TRPC4: variants seen among roughly 807,000 people sequenced by gnomAD.
The protein encoded by TRPC4 is short transient receptor potential channel 4.
A neutral mutation model predicts 99.4 loss-of-function variants in TRPC4; 49 were observed. The ratio of observed to expected loss-of-function variants is 0.49; its 90% CI spans 0.39 to 0.63. The LOEUF (loss-of-function observed/expected upper bound fraction) is 0.63. TRPC4 is among the 20% of genes least tolerant of loss of function. TRPC4 has a pLI of 0.00. For missense variants in TRPC4, 898 were observed against 1,152.9 expected (o/e 0.78, Z 3.20); for synonymous variants, 454 against 425.9 (o/e 1.07, Z -0.81).
chr13:37,781,835 C>A (rs1956850044), intron 2 of TRPC4, among the ~76,000 whole-genome samples: 1 of 151,992 alleles, frequency 6.6e-6, no homozygotes. Flanking sequence ...TCCCAGCAGA[C>A]AGGGACACTC....
chr13:37,694,468 C>A (rs1593528735), intron 3 of TRPC4, among the ~76,000 whole-genome samples: 1 of 152,204 alleles, frequency 6.6e-6, no homozygotes, highest in East Asian at 1.9e-4. Context: ...TGAGGACAAT[C>A]AAAGAACTTT....
rs191452317 is a variant in TRPC4, at chr13:37,649,530, C to G, written c.2079+1735G>C. ...TGGGCAGATTACGAGGTCAGGAGAT[C>G]GAGACCAACCTGGCTAACATGATGA... On this transcript the variant is annotated intron_variant, in intron 8 of 10. Coordinates refer to ENST00000379705, the MANE Select transcript of TRPC4 (RefSeq NM_016179.4). Among the ~76,000 whole-genome samples, 309 of 151,826 alleles carry G rather than the reference C, an allele frequency of 2.0e-3. 1 individual carries two copies. The highest frequency in any genetic ancestry group is 7.1e-3 in the African/African-American group (293 of 41,436).
chr13:37,684,663 C>T (rs532218210), intron 4 of TRPC4, among the ~76,000 whole-genome samples: 17 of 152,006 alleles, frequency 1.1e-4, no homozygotes, highest in South Asian at 1.0e-3. Flanking sequence ...TATATAGTTT[C>T]GAATAAGTGA....
In TRPC4 at chr13:37,635,279, G is replaced by A. The variant is rs1951484299; in HGVS notation, c.*1624C>T. 6.6e-6 allele frequency among the ~76,000 whole-genome samples: 1 copy of A among 152,064 alleles called. No individual in the cohort carries two copies. On this transcript the variant is annotated 3_prime_UTR_variant, in exon 11 of 11. Transcript: ENST00000379705. Reference sequence around the variant, plus strand: ...TTACAATGCAGTGGTGAAGGGAATGGCTCTGATGGACACATCACAGCTCCA... The same window carrying A: ...TTACAATGCAGTGGTGAAGGGAATGACTCTGATGGACACATCACAGCTCCA...
At chr13:37,823,236 A>C (rs1429523780) in intron 1 of TRPC4, among the ~76,000 whole-genome samples, 2 of 148,348 alleles carry the variant, frequency 1.3e-5, no homozygotes. Context: ...GTTCACTCTG[A>C]TGGTAGTTTC....
At chr13:37,778,134 G>A (rs1195222286) in intron 2 of TRPC4, among the ~76,000 whole-genome samples, 2 of 152,062 alleles carry the variant, frequency 1.3e-5, no homozygotes, top group Admixed American at 6.6e-5. Flanking sequence ...ATTCAAATAA[G>A]TAATTAATGA....
intron 2 of TRPC4, among the ~76,000 whole-genome samples, chr13:37,762,791 A>G (rs1956259673): frequency 6.7e-6 from 1 of 149,884 alleles, no homozygotes; most frequent in Admixed American, 6.7e-5. Flanking sequence ...TGGGTGCAGC[A>G]CACCAGCATG....
At position 37,854,238 on chromosome 13, in the gene TRPC4, A is replaced by G. The variant is rs542469383; in HGVS notation, c.-28+15357T>C. Among the ~76,000 whole-genome samples the G allele has an allele frequency of 3.3e-5, 5 of 152,310 alleles. No individual in the cohort carries two copies. In the East Asian group the frequency reaches 9.6e-4, roughly 29 times the overall value. ...CAGTATGTCTGGCAGCAGACTTTTCAGTGAAAACCTTACAGGCTGAGAGAG... is the reference window on the plus strand; with the variant it reads ...CAGTATGTCTGGCAGCAGACTTTTCGGTGAAAACCTTACAGGCTGAGAGAG... On this transcript the variant is annotated intron_variant, in intron 1 of 10. Coordinates refer to ENST00000379705, the MANE Select transcript of TRPC4 (RefSeq NM_016179.4).
chr13:37,805,786 A>G (rs1420550341), intron 1 of TRPC4, among the ~76,000 whole-genome samples: 2 of 152,064 alleles, frequency 1.3e-5, no homozygotes, highest in African/African-American at 4.8e-5. Context: ...AGTAATATTA[A>G]CTGATCTAAT....
chr13:37,842,497 G>A (rs1426054442), intron 1 of TRPC4, among the ~76,000 whole-genome samples: 1 of 151,976 alleles, frequency 6.6e-6, no homozygotes, highest in African/African-American at 2.4e-5. Context: ...ATTGAAATAG[G>A]TACTATAGAC....
chr13:37,813,096 C>G (rs934634141), intron 1 of TRPC4, among the ~76,000 whole-genome samples: 2 of 151,550 alleles, frequency 1.3e-5, no homozygotes, highest in Non-Finnish European at 2.9e-5. Flanking sequence ...AAATCAATAA[C>G]AAGAAGAAAT....
intron 1 of TRPC4, among the ~76,000 whole-genome samples, chr13:37,864,772 C>T (rs771313961): frequency 1.3e-5 from 2 of 151,558 alleles, no homozygotes; most frequent in Non-Finnish European, 3.0e-5. Context: ...TTCAAGGATA[C>T]GGTCATATTG....
At chr13:37,691,047 C>T (rs1953680090) in intron 4 of TRPC4, among the ~76,000 whole-genome samples, 1 of 152,084 alleles carries the variant, frequency 6.6e-6, no homozygotes, top group Non-Finnish European at 1.5e-5. Context: ...CAAATTTTAA[C>T]CATGGCTATA....
chr13:37,715,175 A>T (rs1593572739), intron 3 of TRPC4, among the ~76,000 whole-genome samples: 1 of 152,148 alleles, frequency 6.6e-6, no homozygotes, highest in Non-Finnish European at 1.5e-5. Flanking sequence ...CACCTTTCTT[A>T]TTCCTTGTAT....
chr13:37,726,288 A>C (rs904263169), intron 3 of TRPC4, among the ~76,000 whole-genome samples: 7 of 152,170 alleles, frequency 4.6e-5, no homozygotes, highest in Non-Finnish European at 7.4e-5. Flanking sequence ...GCATTTTAAA[A>C]ATCATTAGAT....
intron 1 of TRPC4, among the ~76,000 whole-genome samples, chr13:37,805,170 T>A (rs1957500123): frequency 6.6e-6 from 1 of 151,916 alleles, no homozygotes; most frequent in African/African-American, 2.4e-5. Flanking sequence ...TTTTATACTA[T>A]TTTTTTATAT....
chr13:37,853,785 T>C (rs1416869370), intron 1 of TRPC4, among the ~76,000 whole-genome samples: 1 of 151,892 alleles, frequency 6.6e-6, no homozygotes, highest in Non-Finnish European at 1.5e-5. Context: ...GTAATTCACA[T>C]GTTGAAGAAT....
intron 1 of TRPC4, among the ~76,000 whole-genome samples, chr13:37,818,541 G>A (rs1354323551): frequency 6.6e-6 from 1 of 151,974 alleles, no homozygotes; most frequent in African/African-American, 2.4e-5. Context: ...GCAAATACTT[G>A]GAACCAACCC....
At chr13:37,824,304 A>C (rs1258275110) in intron 1 of TRPC4, among the ~76,000 whole-genome samples, 4 of 145,668 alleles carry the variant, frequency 2.7e-5, no homozygotes, top group Admixed American at 2.1e-4. Context: ...AACTTCCAAC[A>C]CTATGTTGAA....
Sources: allele counts gnomAD v4.1 joint callset (sites outside exome capture counted in the v4.1 genomes callset), GRCh38; gene constraint gnomAD v4.1.1; transcripts MANE v1.5; gene names NCBI Gene and HGNC (gene_info 2026-07-23, HGNC 2026-07-21).